TAFA2: variants seen among roughly 807,000 people sequenced by gnomAD.
TAFA2 encodes chemokine-like protein TAFA-2.
A neutral mutation model predicts 18.8 loss-of-function variants in TAFA2; 7 were observed. The observed-to-expected ratio is 0.37, with a 90% CI of 0.21 to 0.70. The LOEUF is 0.70. Ranked by LOEUF, TAFA2 falls within the 30% of genes least tolerant of loss-of-function variation. The pLI is 0.53. For synonymous variants in TAFA2, 60 were observed against 54.2 expected (o/e 1.11, Z -0.47); for missense variants, 122 against 158.1 (o/e 0.77, Z 1.23).
At chr12:61,875,537 T>G (rs532695389) in intron 1 of TAFA2, among the ~76,000 whole-genome samples, 2 of 152,186 alleles carry the variant, frequency 1.3e-5, no homozygotes, top group South Asian at 4.2e-4. Flanking sequence ...CATCAAAAAT[T>G]TGAGTCTAAC....
chr12:61,961,522 T>C (rs1018304369), intron 1 of TAFA2, among the ~76,000 whole-genome samples: 1 of 152,000 alleles, frequency 6.6e-6, no homozygotes, highest in South Asian at 2.1e-4. Flanking sequence ...TCACATTCTA[T>C]AGTATTTTTA....
intron 2 of TAFA2, 33 bp downstream of exon 2, chr12:61,867,287 C>T (rs1414281184): frequency 7.5e-7 from 1 of 1,329,762 alleles, no homozygotes; most frequent in African/African-American, 1.6e-5. Flanking sequence ...TCATCATCCA[C>T]ATTTAGTTGA....
At chr12:62,091,604 G>A (rs1322597297) in intron 1 of TAFA2, among the ~76,000 whole-genome samples, 2 of 151,890 alleles carry the variant, frequency 1.3e-5, no homozygotes, top group African/African-American at 4.8e-5. Flanking sequence ...TAGGTCAGTT[G>A]ATACTCTGAG....
At chr12:62,122,353 GA>G (rs1387556193) in intron 1 of TAFA2, among the ~76,000 whole-genome samples, 2 of 152,116 alleles carry the variant, frequency 1.3e-5, no homozygotes, top group Non-Finnish European at 2.9e-5. Context: ...TGTTCATAAC[GA>G]AAAGCCTAAT....
At chr12:61,785,779 A>T (rs1473463996) in intron 2 of TAFA2, among the ~76,000 whole-genome samples, 1 of 151,686 alleles carries the variant, frequency 6.6e-6, no homozygotes, top group African/African-American at 2.4e-5. Context: ...TGATGTTCAC[A>T]TGACAAAATC....
At chr12:61,972,448 C>T (rs1879281692) in intron 1 of TAFA2, among the ~76,000 whole-genome samples, 1 of 151,504 alleles carries the variant, frequency 6.6e-6, no homozygotes, top group Non-Finnish European at 1.5e-5. Flanking sequence ...TTGACCTTTC[C>T]AAAGTTTTAT....
At chr12:62,045,587 T>A (rs996588203) in intron 1 of TAFA2, among the ~76,000 whole-genome samples, 5 of 152,210 alleles carry the variant, frequency 3.3e-5, no homozygotes, top group Non-Finnish European at 7.3e-5. Flanking sequence ...TTAAAGATGT[T>A]ATGCTTTCAA....
chr12:61,764,396 T>C (rs1312132423), intron 2 of TAFA2, among the ~76,000 whole-genome samples: 1 of 152,048 alleles, frequency 6.6e-6, no homozygotes, highest in Non-Finnish European at 1.5e-5. Flanking sequence ...ATTATTCCTA[T>C]AAGCATTCCT....
intron 1 of TAFA2, among the ~76,000 whole-genome samples, chr12:62,208,842 A>G (rs917651822): frequency 6.6e-6 from 1 of 152,228 alleles, no homozygotes; most frequent in Non-Finnish European, 1.5e-5. Context: ...AGGGTTACCC[A>G]GAATTAGTCC....
intron 1 of TAFA2, among the ~76,000 whole-genome samples, chr12:62,041,429 G>A (rs192364489): frequency 1.3e-5 from 2 of 152,102 alleles, no homozygotes; most frequent in African/African-American, 4.8e-5. Flanking sequence ...AGTGGATTTC[G>A]GAAACTAAAG....
At chr12:61,878,179 A>G in intron 1 of TAFA2, 2 of 443,996 alleles carry the variant, frequency 4.5e-6, no homozygotes, top group Non-Finnish European at 9.0e-6. Flanking sequence ...TATTTAATGA[A>G]TATGGAGTTT....
At chr12:61,719,122 C>T (rs1330660131) in intron 4 of TAFA2, among the ~76,000 whole-genome samples, 1 of 152,120 alleles carries the variant, frequency 6.6e-6, no homozygotes, top group Non-Finnish European at 1.5e-5. Context: ...CCTATCTTGC[C>T]TTTGGCATTC....
intron 1 of TAFA2, among the ~76,000 whole-genome samples, chr12:62,125,183 T>A (rs980198570): frequency 9.9e-5 from 15 of 152,132 alleles, no homozygotes; most frequent in African/African-American, 3.6e-4. Flanking sequence ...TTTTATTTTT[T>A]TAAAAAATTA....
At chr12:62,144,941 A>C (rs926564783) in intron 1 of TAFA2, among the ~76,000 whole-genome samples, 8 of 152,212 alleles carry the variant, frequency 5.3e-5, no homozygotes, top group Non-Finnish European at 8.8e-5. Context: ...TAATCAGTTA[A>C]TGTCAAAGCT....
intron 2 of TAFA2, among the ~76,000 whole-genome samples, chr12:61,824,270 G>C (rs1362622236): frequency 2.0e-5 from 3 of 152,172 alleles, no homozygotes; most frequent in Admixed American, 6.5e-5. Flanking sequence ...CAACATGTGA[G>C]TTGCAGACTG....
In TAFA2 at chr12:62,181,979, T is replaced by C. The variant is rs548367616; in HGVS notation, c.-2+9280A>G. On this transcript the variant is annotated intron_variant, in intron 1 of 4. Transcript: ENST00000416284. ...AATACACAAGGAAAGCTTCATCTTT[T>C]CTCAAGTCCATCCCCCCCCCGCTAC... Among the ~76,000 whole-genome samples, 11 of 144,608 alleles carry C rather than the reference T, an allele frequency of 7.6e-5. No homozygotes were observed. In the South Asian group the frequency reaches 2.0e-3, roughly 26 times the overall value. The allele number at this position is 144,608 out of a possible 152,430, so 94.9% of individuals were successfully genotyped here.
At chr12:62,117,282 C>T (rs1404033004) in intron 1 of TAFA2, among the ~76,000 whole-genome samples, 5 of 152,042 alleles carry the variant, frequency 3.3e-5, no homozygotes, top group African/African-American at 1.2e-4. Flanking sequence ...TTGGTTAGTT[C>T]CTGTGTTTGT....
chr12:62,123,115 T>C (rs931605964), intron 1 of TAFA2, among the ~76,000 whole-genome samples: 1 of 152,204 alleles, frequency 6.6e-6, no homozygotes, highest in Non-Finnish European at 1.5e-5. Context: ...TAACATTTTG[T>C]ATTTTACCAA....
intron 1 of TAFA2, among the ~76,000 whole-genome samples, chr12:61,923,544 T>A (rs1024992899): frequency 1.3e-5 from 2 of 151,968 alleles, no homozygotes; most frequent in Non-Finnish European, 2.9e-5. Flanking sequence ...AGTATCAGCA[T>A]CAACAAAAAG....
Sources: gnomAD v4.1 joint callset for allele counts (sites outside exome capture counted in the v4.1 genomes callset) on GRCh38, gnomAD v4.1.1 for gene constraint, MANE v1.5 for transcripts, NCBI Gene and HGNC (gene_info 2026-07-23, HGNC 2026-07-21) for gene names.